PDE1C: variants seen among roughly 807,000 people sequenced by gnomAD.
PDE1C encodes phosphodiesterase 1C.
In PDE1C, 62 loss-of-function variants were observed where a neutral mutation model predicts 93.1. That is an observed-to-expected ratio of 0.67 (90% CI 0.54 to 0.82). The LOEUF (loss-of-function observed/expected upper bound fraction) is 0.82. PDE1C is among the 40% of genes least tolerant of loss of function. The pLI, the probability that PDE1C is intolerant of heterozygous loss-of-function variation, is 0.00. For synonymous variants in PDE1C, 325 were observed against 310.1 expected, an observed-to-expected ratio of 1.05 and a Z score of -0.50; for missense variants, 742 against 884.6, an observed-to-expected ratio of 0.84 and a Z score of 2.04.
At chr7:32,326,363 C>T (rs1319970265) in intron 1 of PDE1C, among the ~76,000 whole-genome samples, 1 of 152,076 alleles carries the variant, frequency 6.6e-6, no homozygotes, top group East Asian at 1.9e-4. Flanking sequence ...ATGAGATAAC[C>T]AAGGGAATCA....
At chr7:31,782,540 C>A (rs1478350760) in intron 16 of PDE1C, among the ~76,000 whole-genome samples, 1 of 152,082 alleles carries the variant, frequency 6.6e-6, no homozygotes, top group South Asian at 2.1e-4. Flanking sequence ...CCATGCGAAA[C>A]GATACACCAG....
the PDE1C span, among the ~76,000 whole-genome samples, chr7:31,619,876 C>T: frequency 6.6e-6 from 1 of 152,178 alleles, no homozygotes; most frequent in African/African-American, 2.4e-5. Flanking sequence ...TGACAGATGG[C>T]ACCTGGAAAA....
chr7:32,156,497 C>T (rs1801584414), intron 3 of PDE1C, among the ~76,000 whole-genome samples: 1 of 152,176 alleles, frequency 6.6e-6, no homozygotes, highest in Admixed American at 6.5e-5. Flanking sequence ...CATTTCTACC[C>T]TTTAGGGTTG....
At chr7:32,378,243 C>T (rs1784468052) in intron 1 of PDE1C, among the ~76,000 whole-genome samples, 2 of 152,182 alleles carry the variant, frequency 1.3e-5, no homozygotes, top group African/African-American at 4.8e-5. Context: ...CCAATCCACA[C>T]TCCTCACAGC....
chr7:32,165,628 C>A (rs1000613364), intron 3 of PDE1C, among the ~76,000 whole-genome samples: 3 of 152,154 alleles, frequency 2.0e-5, no homozygotes, highest in Non-Finnish European at 4.4e-5. Context: ...AACTCACTCA[C>A]TATCACAAGA....
intron 1 of PDE1C, among the ~76,000 whole-genome samples, chr7:32,377,343 C>T (rs762856172): frequency 5.9e-5 from 9 of 152,174 alleles, no homozygotes; most frequent in Non-Finnish European, 1.0e-4. Context: ...TTTGTTCATA[C>T]CACTATTATA....
chr7:31,961,847 T>A (rs776201333), intron 2 of PDE1C, among the ~76,000 whole-genome samples: 1 of 152,230 alleles, frequency 6.6e-6, no homozygotes, highest in East Asian at 1.9e-4. Context: ...ATTTTCTTTA[T>A]GTCCTTATCA....
At chr7:31,628,714 C>T in the PDE1C span, among the ~76,000 whole-genome samples, 7 of 152,198 alleles carry the variant, frequency 4.6e-5, no homozygotes, top group African/African-American at 9.6e-5. Context: ...CCTCGGCCTC[C>T]GAAAGTGCTG....
chr7:32,316,982 A>G (rs949059478), intron 1 of PDE1C, among the ~76,000 whole-genome samples: 1 of 152,114 alleles, frequency 6.6e-6, no homozygotes, highest in Non-Finnish European at 1.5e-5. Context: ...TTCTCCCTCT[A>G]GTTTTGAAGC....
rs192074127 is a variant in PDE1C, at chr7:31,906,771, A to G, written c.129-25911T>C. 5.7e-4 allele frequency among the ~76,000 whole-genome samples: 87 copies of G among 152,256 alleles called. 1 individual carries two copies. The highest frequency in any genetic ancestry group is 2.0e-3 in the African/African-American group (84 of 41,538). On this transcript the variant is annotated intron_variant, in intron 2 of 17. Coordinates refer to ENST00000396191, the MANE Select transcript of PDE1C (RefSeq NM_001191057.4). ...GGCTTTTGCATTTACTAGTTGTATG[A>G]CCTTGAACAAGCTTTTTAAATACCC...
chr7:32,308,912 G>A (rs1480164815), intron 1 of PDE1C, among the ~76,000 whole-genome samples: 7 of 151,890 alleles, frequency 4.6e-5, no homozygotes, highest in South Asian at 2.1e-4. Context: ...TGACTTTGAC[G>A]AGTTGAGAGA....
At chr7:32,315,411 A>G (rs535420930) in intron 1 of PDE1C, among the ~76,000 whole-genome samples, 4 of 152,264 alleles carry the variant, frequency 2.6e-5, no homozygotes, top group East Asian at 3.9e-4. Flanking sequence ...GACAGCAGAC[A>G]GGAAGGAAGG....
chr7:31,642,245 C>A, the PDE1C span: 30 of 1,552,724 alleles, frequency 1.9e-5, no homozygotes, highest in Non-Finnish European at 2.4e-5. Context: ...CCGCTGGAAC[C>A]GCTGCCCCTC....
At chr7:32,308,419 C>T (rs1036974877) in intron 1 of PDE1C, among the ~76,000 whole-genome samples, 42 of 152,324 alleles carry the variant, frequency 2.8e-4, no homozygotes, top group Admixed American at 7.8e-4. Flanking sequence ...GATCTGAGAA[C>T]GGGCAGACAG....
intron 2 of PDE1C, among the ~76,000 whole-genome samples, chr7:32,048,492 T>C (rs30580): frequency 0.58 from 87,730 of 151,492 alleles, 26,054 homozygotes; most frequent in Middle Eastern, 0.72. Flanking sequence ...ACAAAAGCCA[T>C]GTGAGGAGAG....
At chr7:32,099,342 G>A (rs1364216602) in intron 3 of PDE1C, among the ~76,000 whole-genome samples, 1 of 152,178 alleles carries the variant, frequency 6.6e-6, no homozygotes, top group Non-Finnish European at 1.5e-5. Flanking sequence ...AGGGGAATGA[G>A]GAAATAGGAT....
At chr7:32,055,382 G>T (rs536616369) in intron 1 of PDE1C, among the ~76,000 whole-genome samples, 2 of 151,938 alleles carry the variant, frequency 1.3e-5, no homozygotes, top group Non-Finnish European at 2.9e-5. Flanking sequence ...ACCCTGAGAG[G>T]TTCTACCTAC....
intron 1 of PDE1C, among the ~76,000 whole-genome samples, chr7:32,212,025 CAAAAA>C (rs35827566): frequency 2.5e-5 from 2 of 81,270 alleles, no homozygotes; most frequent in Admixed American, 1.5e-4. Context: ...GAACCTATCT[CAAAAA>C]AAAAAAAAAA....
the PDE1C span, chr7:31,687,372 C>G: frequency 6.6e-6 from 1 of 152,318 alleles, no homozygotes; most frequent in Non-Finnish European, 1.5e-5. Context: ...CAGTCAGTTA[C>G]TGGGACAAAG....
Sources: allele counts gnomAD v4.1 joint callset (sites outside exome capture counted in the v4.1 genomes callset), GRCh38; gene constraint gnomAD v4.1.1; transcripts MANE v1.5; gene names NCBI Gene and HGNC (gene_info 2026-07-23, HGNC 2026-07-21).